Variants in GPX5 observed in about 807,000 individuals in gnomAD.
GPX5 encodes the protein glutathione peroxidase 5, also known as epididymal secretory glutathione peroxidase.
A neutral mutation model predicts 23.8 loss-of-function variants in GPX5; 20 were observed. The ratio of observed to expected loss-of-function variants is 0.84; its 90% CI spans 0.59 to 1.22. The LOEUF (loss-of-function observed/expected upper bound fraction) is 1.22, where lower values mean the gene tolerates loss of function less well. GPX5 is among the 50% of genes most tolerant of loss of function. The pLI is 0.00. For missense variants in GPX5, 230 were observed against 266.6 expected (o/e 0.86, Z 0.96); for synonymous variants, 92 against 99.5 (o/e 0.92, Z 0.45).
rs1763275622 is a variant in GPX5 at position 28,529,598 on chromosome 6, TATCCTGGTA to T, written c.237_241+4del. 3 of 1,604,676 alleles carry T rather than the reference TATCCTGGTA, an allele frequency of 1.9e-6. No homozygotes were observed. Among genetic ancestry groups the T allele is most frequent in the Non-Finnish European group, 2.6e-6 (3 of 1,174,838 alleles). ...CACCTACTGTGGTCTGACAGCGCAA[TATCCTGGTA>T]AGAGAATTCATAGTTACTTCTCTTT... On this transcript the variant is annotated splice_donor_variant and splice_donor_region_variant and coding_sequence_variant and intron_variant, in exon 2 of 5. Coordinates refer to ENST00000412168, the MANE Select transcript of GPX5 (RefSeq NM_001509.3). LOFTEE classifies it high-confidence loss of function.
chr6:28,532,866 C>T (rs1325379786), intron 4 of GPX5, among the ~76,000 whole-genome samples: 1 of 152,174 alleles, frequency 6.6e-6, no homozygotes, highest in Non-Finnish European at 1.5e-5. Context: ...ATAATCCCAG[C>T]ACTTTGGAAG....
chr6:28,534,894 C>A lies in GPX5; in HGVS notation c.*727C>A, dbSNP rs1294326406. On this transcript the variant is annotated 3_prime_UTR_variant, in exon 5 of 5. Transcript: ENST00000412168. ...GGATTTCCCATCTCAACCCTGGATT[C>A]CTCACCTTCAGAACGAGCCCTGCCA... 6.6e-6 allele frequency: 1 copy of A among 152,196 alleles called. No homozygotes were observed. The highest frequency in any genetic ancestry group is 2.1e-4 in the South Asian group (1 of 4,810). The allele number at this position is 152,196 out of a possible 1,614,324, so 9.4% of individuals were successfully genotyped here.
chr6:28,526,979 A>C (rs1349709320), intron 1 of GPX5: 1 of 152,260 alleles, frequency 6.6e-6, no homozygotes, highest in African/African-American at 2.4e-5. Flanking sequence ...ACTAGATAAC[A>C]TCCTGGGTGA....
intron 1 of GPX5, chr6:28,528,096 G>A (rs1200187298): frequency 1.3e-5 from 2 of 152,226 alleles, no homozygotes; most frequent in African/African-American, 2.4e-5. Flanking sequence ...GATGAGCTGG[G>A]TGATGCTGCC....
chr6:28,533,701 A>G (rs1479769160), intron 4 of GPX5, among the ~76,000 whole-genome samples: 1 of 152,210 alleles, frequency 6.6e-6, no homozygotes, highest in Non-Finnish European at 1.5e-5. Context: ...CATAAAAGGT[A>G]ACATGTCTTA....
rs1763202455 is a variant in GPX5 at position 28,526,046 on chromosome 6, TC to T, written c.37del (p.Leu13PhefsTer3). On this transcript the variant is annotated frameshift_variant, in exon 1 of 5. Transcript: ENST00000412168. LOFTEE classifies it high-confidence loss of function. ...CACAGTTAAGGGTCGTCCATCTGCT[TC>T]CCCTTCTCCTAGCCTGCTTTGTGCA... ...TTQLRVVHLL[P>X]LLLACFVQTS... 3.7e-6 allele frequency: 6 copies of T among 1,612,936 alleles called. No individual in the cohort carries two copies. Among genetic ancestry groups the T allele is most frequent in the Non-Finnish European group, 5.1e-6 (6 of 1,179,932 alleles).
chr6:28,532,207 C>A, intron 3 of GPX5, 114 bp from the exon 4 acceptor site: 1 of 701,484 alleles, frequency 1.4e-6, no homozygotes. Context: ...CCTCCCCACC[C>A]ACAACGATAC....
In GPX5 at chr6:28,534,086, C is replaced by G; in HGVS notation, c.585C>G (p.Val195=). The change falls in exon 5 of 5, where the codon GTC becomes GTG. Residue 195 remains valine (V), a synonymous_variant. Transcript: ENST00000412168. ...TGGTGGGGCCTGATGGAATCCCTGT[C>G]ATGCGCTGGTCCCACCGGGCTACGG... ...KFLVGPDGIP[V]MRWSHRATVS... is the part of the protein sequence containing the mutation. 1.9e-6 allele frequency: 3 copies of G among 1,612,556 alleles called. No individual in the cohort carries two copies. Among genetic ancestry groups the G allele is most frequent in the Non-Finnish European group, 2.5e-6 (3 of 1,179,418 alleles).
intron 4 of GPX5, 90 bp from the exon 5 acceptor site, chr6:28,533,871 G>C: frequency 1.3e-6 from 1 of 751,268 alleles, no homozygotes; most frequent in Non-Finnish European, 2.1e-6. Context: ...TCTAGGTATA[G>C]GAGGGGGTGG....
intron 2 of GPX5, among the ~76,000 whole-genome samples, chr6:28,531,514 C>T (rs1313897424): frequency 6.6e-6 from 1 of 151,928 alleles, no homozygotes; most frequent in African/African-American, 2.4e-5. Context: ...ACCTGGGCAT[C>T]CCTATTTTTA....
intron 3 of GPX5, 79 bp downstream of exon 3, chr6:28,531,974 CT>C: frequency 1.0e-6 from 1 of 1,004,458 alleles, no homozygotes; most frequent in Non-Finnish European, 1.6e-6. Context: ...AGCTCAGGAA[CT>C]TTCTGGGGAG....
At position 28,531,388 on chromosome 6, in the gene GPX5, AAAAAAGAAAAGAAAAG is replaced by A. The variant is rs1232594988; in HGVS notation, c.242-385_242-370del. On this transcript the variant is annotated intron_variant, in intron 2 of 4. Coordinates refer to ENST00000412168, the MANE Select transcript of GPX5 (RefSeq NM_001509.3). ...TCTGTCTCAAAAAAAAAAAAAAAAA[AAAAAAGAAAAGAAAAG>A]AAAAGAAAAGAAAAGAAAAGAAAAG... 1.5e-3 allele frequency among the ~76,000 whole-genome samples: 106 copies of A among 69,786 alleles called. 6 individuals are homozygous for A. The highest frequency in any genetic ancestry group is 5.0e-3 in the Admixed American group (30 of 5,986). The allele number at this position is 69,786 out of a possible 152,430, so 45.8% of individuals were successfully genotyped here. A position where few individuals can be genotyped will look rare whatever the true frequency, so the allele number is the denominator to read the frequency against.
At chr6:28,529,703 C>A in intron 2 of GPX5, 99 bp downstream of exon 2, 2 of 938,418 alleles carry the variant, frequency 2.1e-6, no homozygotes, top group Non-Finnish European at 3.0e-6. Flanking sequence ...AATTATGTAC[C>A]AAAATAAATA....
rs774912200 is a variant in GPX5 at position 28,526,050 on chromosome 6, C to T, written c.37C>T (p.Leu13Phe). Residue 13 changes from leucine to phenylalanine, a missense_variant, in exon 1 of 5, where the codon CTT becomes TTT. Leu to Phe is a conservative substitution (Grantham distance 22, BLOSUM62 0). Coordinates refer to ENST00000412168, the MANE Select transcript of GPX5 (RefSeq NM_001509.3). ...TQLRVVHLLP[L>F]LLACFVQTSP... is the part of the protein sequence containing the mutation. Reference sequence around the variant, plus strand: ...GTTAAGGGTCGTCCATCTGCTTCCCCTTCTCCTAGCCTGCTTTGTGCAAAC... The same window carrying T: ...GTTAAGGGTCGTCCATCTGCTTCCCTTTCTCCTAGCCTGCTTTGTGCAAAC... 1.9e-6 allele frequency: 3 copies of T among 1,612,990 alleles called. No individual in the cohort carries two copies. The highest frequency in any genetic ancestry group is 1.3e-5 in the African/African-American group (1 of 74,890).
chr6:28,533,896 A>G, intron 4 of GPX5, 65 bp from the exon 5 acceptor site: 1 of 1,126,338 alleles, frequency 8.9e-7, no homozygotes, highest in Admixed American at 2.6e-5. Context: ...CCTGTGGGTA[A>G]AAATAGCCTG....
chr6:28,528,865 A>G (rs1192093506), intron 1 of GPX5, among the ~76,000 whole-genome samples: 2 of 86,404 alleles, frequency 2.3e-5, no homozygotes, highest in Admixed American at 1.4e-4. Flanking sequence ...ATATATATAT[A>G]TATATATATA....
At position 28,534,244 on chromosome 6, in the gene GPX5, A is replaced by G. The variant is rs1581857733; in HGVS notation, c.*77A>G. 9.6e-7 allele frequency: 1 copy of G among 1,036,850 alleles called. No homozygotes were observed. Among genetic ancestry groups the G allele is most frequent in the East Asian group, 2.6e-5 (1 of 38,288 alleles). The allele number at this position is 1,036,850 out of a possible 1,614,324, so 64.2% of individuals were successfully genotyped here. Reference sequence around the variant, plus strand: ...TCTCCCCACCCCTCCAAAAAAAAGGAATACCCATCTTCTCACCACACTCTC... The same window carrying G: ...TCTCCCCACCCCTCCAAAAAAAAGGGATACCCATCTTCTCACCACACTCTC... On this transcript the variant is annotated 3_prime_UTR_variant, in exon 5 of 5. Coordinates refer to ENST00000412168, the MANE Select transcript of GPX5 (RefSeq NM_001509.3).
At chr6:28,527,028 T>G (rs1009469623) in intron 1 of GPX5, 1 of 152,266 alleles carries the variant, frequency 6.6e-6, no homozygotes. Context: ...TTATGTTACC[T>G]GTGGTGCTTA....
chr6:28,533,242 A>G (rs1763359682), intron 4 of GPX5, among the ~76,000 whole-genome samples: 1 of 152,212 alleles, frequency 6.6e-6, no homozygotes, highest in African/African-American at 2.4e-5. Context: ...CCTAAAGATT[A>G]CCAAAGTGAA....
Sources: gnomAD v4.1 joint callset for allele counts (sites outside exome capture counted in the v4.1 genomes callset) on GRCh38, gnomAD v4.1.1 for gene constraint, MANE v1.5 for transcripts, NCBI Gene and HGNC (gene_info 2026-07-23, HGNC 2026-07-21) for gene names.